Variants in ECPAS observed in about 807,000 individuals in gnomAD.
ECPAS encodes proteasome adapter and scaffold protein ECM29.
A neutral mutation model predicts 255.1 loss-of-function variants in ECPAS; 70 were observed. The ratio of observed to expected loss-of-function variants is 0.27; its 90% CI spans 0.23 to 0.33. ECPAS has a LOEUF of 0.33. Among genes scored for constraint, ECPAS ranks in the 10% least tolerant of loss-of-function variants. ECPAS has a pLI of 1.00. For missense variants in ECPAS, 1,817 were observed against 2,206.4 expected (o/e 0.82, Z 3.54); for synonymous variants, 784 against 775.0 (o/e 1.01, Z -0.19).
intron 43 of ECPAS, 68 bp from the exon 44 acceptor site, chr9:111,370,833 A>G: frequency 7.1e-7 from 1 of 1,403,054 alleles, no homozygotes. Context: ...CTAAACCATG[A>G]TTACAATTAC....
chr9:111,471,072 C>T (rs1045194013), intron 2 of ECPAS, among the ~76,000 whole-genome samples: 1 of 152,142 alleles, frequency 6.6e-6, no homozygotes, highest in Non-Finnish European at 1.5e-5. Flanking sequence ...CGTTAAGATC[C>T]ACCCAAAGCA....
intron 2 of ECPAS, among the ~76,000 whole-genome samples, chr9:111,453,153 A>T (rs2098262555): frequency 6.6e-6 from 1 of 152,106 alleles, no homozygotes; most frequent in Non-Finnish European, 1.5e-5. Context: ...AGGCTGAGGT[A>T]GGAGAACTGC....
chr9:111,453,716 G>A (rs2098263326), intron 2 of ECPAS, among the ~76,000 whole-genome samples: 1 of 152,000 alleles, frequency 6.6e-6, no homozygotes, highest in African/African-American at 2.4e-5. Flanking sequence ...TACCCCTCTG[G>A]TATTCATAAC....
Position 111,451,432 on chromosome 9 carries a change from C to A in ECPAS, c.146G>T (p.Arg49Leu). The A allele has an allele frequency of 6.4e-7, 1 of 1,570,832 alleles. No homozygotes were observed. The highest frequency in any genetic ancestry group is 8.6e-7 in the Non-Finnish European group (1 of 1,157,138). The change falls in exon 3 of 50, where the codon CGT (arginine) becomes CTT (leucine). Residue 49 changes from arginine (R) to leucine (L), a missense_variant. Around this residue, in one of 4 missense-constraint regions of ECPAS, gnomAD observed 90 missense variants for 158.5 expected, o/e 0.57. Coordinates refer to ENST00000684092, the MANE Select transcript of ECPAS (RefSeq NM_001364929.1). ...CTGTCCCAACATGCTTACCTTTTTACGTACTCCTTCTTGGGTGCTAGAGAG... is the reference window on the plus strand; with the variant it reads ...CTGTCCCAACATGCTTACCTTTTTAAGTACTCCTTCTTGGGTGCTAGAGAG... ...LKLSSTQEGV[R>L]KKVMELLVHL... is the part of the protein sequence containing the mutation.
At chr9:111,383,377 C>T in intron 34 of ECPAS, 45 bp from the exon 35 acceptor site, 5 of 1,566,562 alleles carry the variant, frequency 3.2e-6, no homozygotes, top group Non-Finnish European at 4.3e-6. Flanking sequence ...GACCGCGCAT[C>T]CAATAAAGAA....
At chr9:111,411,468 A>C (rs2098194323) in intron 21 of ECPAS, among the ~76,000 whole-genome samples, 1 of 152,204 alleles carries the variant, frequency 6.6e-6, no homozygotes, top group African/African-American at 2.4e-5. Flanking sequence ...AGCTTACAGC[A>C]CTTATGTAAC....
intron 8 of ECPAS, 95 bp downstream of exon 8, chr9:111,433,138 C>T: frequency 7.9e-7 from 1 of 1,259,288 alleles, no homozygotes; most frequent in East Asian, 2.3e-5. Context: ...AAGTTGAATG[C>T]CTCATTACAA....
At chr9:111,460,077 A>T (rs1253849571) in intron 2 of ECPAS, among the ~76,000 whole-genome samples, 1 of 152,222 alleles carries the variant, frequency 6.6e-6, no homozygotes, top group East Asian at 1.9e-4. Flanking sequence ...AAAATAAGTA[A>T]AAAATATGAG....
Position 111,472,994 on chromosome 9 carries a change from A to T in ECPAS, c.-76T>A, listed in dbSNP as rs2098291056. 9.0e-7 allele frequency: 1 copy of T among 1,108,854 alleles called. No homozygotes were observed. The highest frequency in any genetic ancestry group is 1.7e-5 in the African/African-American group (1 of 59,256). 68.7% of individuals were successfully genotyped at this position (1,108,854 alleles called of 1,614,324 possible). On this transcript the variant is annotated 5_prime_UTR_variant, in exon 2 of 50. The change creates a premature stop within an existing upstream ORF in the 5' untranslated region. Coordinates refer to ENST00000684092, the MANE Select transcript of ECPAS (RefSeq NM_001364929.1). ...TCCACTCGTACATATGCAATTGTAT[A>T]AAGAATCTATTATTTAGAACACCAA...
intron 17 of ECPAS, among the ~76,000 whole-genome samples, chr9:111,417,249 T>TA (rs1564530786): frequency 1.3e-5 from 2 of 150,228 alleles, no homozygotes; most frequent in African/African-American, 2.5e-5. Flanking sequence ...CAAAAAAAAA[T>TA]AAAAAAATTT....
intron 2 of ECPAS, among the ~76,000 whole-genome samples, chr9:111,471,618 C>T (rs1564568575): frequency 6.6e-6 from 1 of 152,272 alleles, no homozygotes; most frequent in Middle Eastern, 3.4e-3. Flanking sequence ...GAATTACAAT[C>T]TGAATTTACA....
intron 7 of ECPAS, among the ~76,000 whole-genome samples, chr9:111,436,315 T>C (rs2098238120): frequency 6.6e-6 from 1 of 152,242 alleles, no homozygotes; most frequent in African/African-American, 2.4e-5. Context: ...TGTTCTTCCC[T>C]GAAGTGCCTG....
At position 111,384,533 on chromosome 9, in the gene ECPAS, T is replaced by C; in HGVS notation, c.3670A>G (p.Thr1224Ala). 5 of 1,613,432 alleles carry C rather than the reference T, an allele frequency of 3.1e-6. No homozygotes were observed. Among genetic ancestry groups the C allele is most frequent in the South Asian group, 2.2e-5 (2 of 91,056 alleles). Residue 1224 changes from threonine to alanine, a missense_variant, in exon 34 of 50, where the codon ACT becomes GCT. Around this residue, in one of 4 missense-constraint regions of ECPAS, gnomAD observed 960 missense variants for 1,179.0 expected, o/e 0.81. Transcript: ENST00000684092. ...GACGGGGTTTTCACCTTGCTCAGAG[T>C]TTTCAGAGCTAGTTCTGCCGCTTTT... Reference protein sequence around the residue: ...VRKAAELALKTLSKVCVKMCD... With the variant: ...VRKAAELALKALSKVCVKMCD...
At position 111,433,384 on chromosome 9, in the gene ECPAS, T is replaced by C. The variant is rs202181426; in HGVS notation, c.709-12A>G. 9.9e-6 allele frequency: 16 copies of C among 1,613,512 alleles called. No individual in the cohort carries two copies. In the South Asian group the frequency reaches 1.5e-4, roughly 16 times the overall value. ...ATTCCCAATTTGCACTGTAGATAAA[T>C]GAAGGGAAGGAGAAAGAACAGTCAG... On this transcript the variant is annotated splice_polypyrimidine_tract_variant and intron_variant, in intron 7 of 49. Coordinates refer to ENST00000684092, the MANE Select transcript of ECPAS (RefSeq NM_001364929.1).
Position 111,410,209 on chromosome 9 carries a change from T to C in ECPAS, c.2382A>G (p.Ser794=). The change falls in exon 23 of 50, where the codon TCA becomes TCG. Residue 794 remains serine (S), a synonymous_variant. Transcript: ENST00000684092. ...GGAGGGGTGATGTACTGTCCAAAAA[T>C]GAGCCTGTAAGCACATTTAGCCAAA... ...LIQSATETIG[S]FLDSTSPLLA... 1 of 1,608,328 alleles carries C rather than the reference T, an allele frequency of 6.2e-7. No homozygotes were observed. The highest frequency in any genetic ancestry group is 8.5e-7 in the Non-Finnish European group (1 of 1,177,944).
At chr9:111,376,093 T>C (rs1218242521) in intron 37 of ECPAS, among the ~76,000 whole-genome samples, 2 of 152,212 alleles carry the variant, frequency 1.3e-5, no homozygotes, top group African/African-American at 4.8e-5. Flanking sequence ...CATACCTTTA[T>C]GTTACCTACT....
intron 2 of ECPAS, among the ~76,000 whole-genome samples, chr9:111,453,476 T>A (rs2098263040): frequency 6.6e-6 from 1 of 152,062 alleles, no homozygotes; most frequent in African/African-American, 2.4e-5. Context: ...TTCAAAATAA[T>A]ATATGTGGCT....
chr9:111,468,620 A>AGAGT (rs1222543654), intron 2 of ECPAS, among the ~76,000 whole-genome samples: 5 of 149,566 alleles, frequency 3.3e-5, no homozygotes, highest in South Asian at 2.1e-4. Flanking sequence ...CTGGGCAAAG[A>AGAGT]GAGTGAGTGA....
rs1350850514 is a variant in ECPAS, at chr9:111,433,256, G to A, written c.825C>T (p.Asp275=). Residue 275 remains aspartate (D), a synonymous_variant, in exon 8 of 50, where the codon GAC becomes GAT. Coordinates refer to ENST00000684092, the MANE Select transcript of ECPAS (RefSeq NM_001364929.1). ...ACCTCTGTTTGCTTTTCAATTCCAG[G>A]TCTGCTGCCGTTGCCACACTGTGGC... The part of the protein sequence containing the change: ...DTRHSVATAA[D]LELKSKQSLI... The A allele has an allele frequency of 6.2e-7, 1 of 1,613,824 alleles. No individual in the cohort carries two copies. Among genetic ancestry groups the A allele is most frequent in the Admixed American group, 1.7e-5 (1 of 60,028 alleles).
Sources: gnomAD v4.1 joint callset for allele counts (sites outside exome capture counted in the v4.1 genomes callset) on GRCh38, gnomAD v4.1.1 for gene constraint, gnomAD v4.1.1 regional missense constraint, MANE v1.5 for transcripts, NCBI Gene and HGNC (gene_info 2026-07-23, HGNC 2026-07-21) for gene names.